Variants in RBFOX1 observed in about 807,000 individuals in gnomAD.
RBFOX1 encodes RNA binding fox-1 homolog 1, also known as RNA binding protein fox-1 homolog 1.
Under a neutral mutation model 57.7 loss-of-function variants are expected in RBFOX1, and 8 were observed. That is an observed-to-expected ratio of 0.14 (90% confidence interval 0.08 to 0.25). The LOEUF (loss-of-function observed/expected upper bound fraction) is 0.25, where lower values mean the gene tolerates loss of function less well. RBFOX1 is among the 10% of genes least tolerant of loss of function. The pLI is 1.00. For missense variants in RBFOX1, 611 were observed against 548.5 expected (o/e 1.11, Z -1.14); for synonymous variants, 326 against 222.4 (o/e 1.47, Z -4.15).
At chr16:6,680,251 C>A (rs1325117968) in intron 3 of RBFOX1, among the ~76,000 whole-genome samples, 1 of 142,734 alleles carries the variant, frequency 7.0e-6, no homozygotes, top group East Asian at 2.1e-4. Context: ...TGATTCCTGT[C>A]TTTGCTTTGC....
chr16:6,838,984 C>T (rs944810864), intron 3 of RBFOX1, among the ~76,000 whole-genome samples: 2 of 151,290 alleles, frequency 1.3e-5, no homozygotes, highest in South Asian at 4.2e-4. Context: ...CCATCATTTT[C>T]TTTTTTTTCT....
intron 3 of RBFOX1, among the ~76,000 whole-genome samples, chr16:5,842,860 C>T (rs1342454856): frequency 1.3e-5 from 2 of 152,024 alleles, no homozygotes; most frequent in Admixed American, 1.3e-4. Context: ...GCACTGTCGC[C>T]TGGACTAGAG....
intron 2 of RBFOX1, among the ~76,000 whole-genome samples, chr16:6,615,813 C>T (rs2098133254): frequency 6.6e-6 from 1 of 152,140 alleles, no homozygotes; most frequent in African/African-American, 2.4e-5. Flanking sequence ...GATGGAGACA[C>T]AGCCGCATTT....
chr16:7,402,244 G>T (rs78654981), intron 4 of RBFOX1, among the ~76,000 whole-genome samples: 2 of 152,122 alleles, frequency 1.3e-5, no homozygotes, highest in Admixed American at 6.5e-5. Context: ...CTGTAAGGGA[G>T]GGTCAACTAA....
At chr16:6,101,347 C>G (rs1007810946) in intron 1 of RBFOX1, among the ~76,000 whole-genome samples, 3 of 152,180 alleles carry the variant, frequency 2.0e-5, no homozygotes, top group Non-Finnish European at 1.5e-5. Flanking sequence ...TTTTCCTGTA[C>G]ACGATGTCCT....
intron 3 of RBFOX1, among the ~76,000 whole-genome samples, chr16:6,693,191 C>T (rs569844045): frequency 8.8e-4 from 134 of 151,490 alleles, no homozygotes; most frequent in Middle Eastern, 6.8e-3. Context: ...CATCCGCATC[C>T]GCTACCATCA....
At chr16:7,247,275 A>G (rs1425888391) in intron 4 of RBFOX1, among the ~76,000 whole-genome samples, 1 of 152,050 alleles carries the variant, frequency 6.6e-6, no homozygotes, top group African/African-American at 2.4e-5. Flanking sequence ...ACCGCATCAC[A>G]CTCGCTGCCG....
At chr16:7,011,564 A>G (rs543110657) in intron 3 of RBFOX1, among the ~76,000 whole-genome samples, 2 of 152,192 alleles carry the variant, frequency 1.3e-5, no homozygotes, top group South Asian at 2.1e-4. Flanking sequence ...CACAGGCTGG[A>G]GTGCAGTGGC....
chr16:7,091,295 T>C (rs1339446451), intron 4 of RBFOX1, among the ~76,000 whole-genome samples: 2 of 152,128 alleles, frequency 1.3e-5, no homozygotes, highest in Non-Finnish European at 2.9e-5. Context: ...AAATTTGGTG[T>C]TCCATTTATT....
At chr16:7,030,359 C>A (rs2042475478) in intron 3 of RBFOX1, among the ~76,000 whole-genome samples, 1 of 152,074 alleles carries the variant, frequency 6.6e-6, no homozygotes, top group Non-Finnish European at 1.5e-5. Flanking sequence ...AAGTTAACGC[C>A]AACTGGATGG....
At chr16:7,229,532 GAGGAAGGGAAGGAGAGAGAGAGGA>G (rs2093352950) in intron 4 of RBFOX1, among the ~76,000 whole-genome samples, 2 of 149,372 alleles carry the variant, frequency 1.3e-5, no homozygotes, top group African/African-American at 4.9e-5. Flanking sequence ...AGAGGAGAGG[GAGGAAGGGAAGGAGAGAGAGAGGA>G]AGGAAGGGAG....
intron 2 of RBFOX1, among the ~76,000 whole-genome samples, chr16:6,362,807 A>T (rs2088833649): frequency 6.6e-6 from 1 of 152,226 alleles, no homozygotes; most frequent in South Asian, 2.1e-4. Context: ...TCACACTGGC[A>T]GTGCAACTTC....
chr16:5,314,540 GC>G (rs2064179749), intron 1 of RBFOX1, among the ~76,000 whole-genome samples: 1 of 152,104 alleles, frequency 6.6e-6, no homozygotes, highest in East Asian at 1.9e-4. Context: ...TCACTCTGTT[GC>G]CCAGGCTGGC....
chr16:5,804,000 G>T (rs768949559), intron 3 of RBFOX1, among the ~76,000 whole-genome samples: 23 of 152,154 alleles, frequency 1.5e-4, no homozygotes, highest in Non-Finnish European at 3.4e-4. Flanking sequence ...CCAGCTCAGA[G>T]ATTTCCTCTG....
intron 3 of RBFOX1, among the ~76,000 whole-genome samples, chr16:5,609,301 A>T (rs1334255873): frequency 6.6e-6 from 1 of 152,124 alleles, no homozygotes; most frequent in Non-Finnish European, 1.5e-5. Flanking sequence ...TTAAATGTGA[A>T]TTTCCAATAC....
intron 2 of RBFOX1, among the ~76,000 whole-genome samples, chr16:6,457,999 G>C (rs2191427): frequency 0.78 from 118,248 of 151,076 alleles, 46,531 homozygotes; most frequent in Middle Eastern, 0.87. Context: ...ATAGGTTTGT[G>C]TTCTCAAAAC....
chr16:7,096,297 C>G (rs536105888), intron 4 of RBFOX1, among the ~76,000 whole-genome samples: 1 of 152,214 alleles, frequency 6.6e-6, no homozygotes, highest in Non-Finnish European at 1.5e-5. Flanking sequence ...CTGAGAAGTC[C>G]AAAGATGACA....
At chr16:5,273,431 C>G (rs891505672) in intron 1 of RBFOX1, among the ~76,000 whole-genome samples, 24 of 152,096 alleles carry the variant, frequency 1.6e-4, no homozygotes, top group Non-Finnish European at 3.5e-4. Flanking sequence ...CTAGTTCCCA[C>G]TCTCAGCCCA....
intron 4 of RBFOX1, among the ~76,000 whole-genome samples, chr16:7,443,602 C>T (rs1038631435): frequency 1.3e-5 from 2 of 152,080 alleles, no homozygotes; most frequent in African/African-American, 2.4e-5. Context: ...TAAGCCATTT[C>T]ATTAATAGAG....
Sources: gnomAD v4.1 joint callset for allele counts (sites outside exome capture counted in the v4.1 genomes callset) on GRCh38, gnomAD v4.1.1 for gene constraint, MANE v1.5 for transcripts, NCBI Gene and HGNC (gene_info 2026-07-23, HGNC 2026-07-21) for gene names.